The following PCDH11X variants were observed in gnomAD, a reference collection of about 807,000 sequenced individuals.
PCDH11X encodes protocadherin 11 X-linked, also known as protocadherin-11 X-linked.
Under a neutral mutation model 53.3 loss-of-function variants are expected in PCDH11X, and 18 were observed. The ratio of observed to expected loss-of-function variants is 0.34; its 90% CI spans 0.23 to 0.50. PCDH11X has a LOEUF of 0.50. Among genes scored for constraint, PCDH11X ranks in the 20% least tolerant of loss-of-function variants. The probability of loss-of-function intolerance (pLI) is 0.98; values close to 1 mark genes in which losing one functional copy is unlikely to be tolerated. For missense variants in PCDH11X, 570 were observed against 1,032.4 expected (o/e 0.55, Z 6.14); for synonymous variants, 279 against 393.3 (o/e 0.71, Z 3.44).
intron 10 of PCDH11X, among the ~76,000 whole-genome samples, chrX:92,486,858 T>C (rs1469291254): frequency 3.7e-5 from 4 of 108,028 alleles, no homozygotes; most frequent in Non-Finnish European, 7.6e-5. Context: ...AGAAGGATTT[T>C]AGTATATCTT....
chrX:92,264,740 C>T (rs1025386900), intron 8 of PCDH11X, among the ~76,000 whole-genome samples: 1 of 110,724 alleles, frequency 9.0e-6, no homozygotes, highest in African/African-American at 3.3e-5. Flanking sequence ...ACAAGTTAGG[C>T]TCCTGCATAT....
intron 6 of PCDH11X, among the ~76,000 whole-genome samples, chrX:92,064,486 A>AG (rs1334434389): frequency 1.5e-5 from 1 of 65,326 alleles, no homozygotes; most frequent in East Asian, 5.1e-4. Flanking sequence ...CACACAAATT[A>AG]AAAATAAATA....
At chrX:92,099,837 TC>T (rs1569354280) in intron 6 of PCDH11X, among the ~76,000 whole-genome samples, 1 of 111,199 alleles carries the variant, frequency 9.0e-6, no homozygotes, top group Non-Finnish European at 1.9e-5. Flanking sequence ...TTGGTAGTAA[TC>T]AAAACCAATT....
In PCDH11X at chrX:92,302,404, A is replaced by G. The variant is rs1319580947; in HGVS notation, c.3144+39261A>G. 1.2e-4 allele frequency among the ~76,000 whole-genome samples: 13 copies of G among 109,950 alleles called. No individual in the cohort carries two copies. The Admixed American group carries it at 1.3e-3, about 11-fold the overall frequency. ...GATTTTCTTGAACAAGTATATCTTC[A>G]TTTGCTAGATGCTCTAAGATCATTT... On this transcript the variant is annotated intron_variant, in intron 8 of 10. Transcript: ENST00000682573.
intron 6 of PCDH11X, chrX:92,201,161 T>A: frequency 7.2e-6 from 1 of 138,719 alleles, no homozygotes; most frequent in South Asian, 3.1e-4. Context: ...TTTTCTTTTT[T>A]TTCTCTTTTT....
chrX:92,294,268 C>T (rs953014226), intron 8 of PCDH11X, among the ~76,000 whole-genome samples: 5 of 110,031 alleles, frequency 4.5e-5, no homozygotes, highest in Non-Finnish European at 9.4e-5. Flanking sequence ...CAGCTTCCCA[C>T]GTAGCTGGGA....
intron 6 of PCDH11X, among the ~76,000 whole-genome samples, chrX:91,942,546 G>T (rs1456587339): frequency 9.0e-6 from 1 of 110,631 alleles, no homozygotes; most frequent in Non-Finnish European, 1.9e-5. Flanking sequence ...TATCTATTAA[G>T]GAAATGGAAT....
intron 1 of PCDH11X, 31 bp downstream of exon 1, chrX:91,779,715 G>A (rs1051417039): frequency 1.0e-5 from 1 of 99,206 alleles, no homozygotes; most frequent in Non-Finnish European, 2.0e-5. Flanking sequence ...CCTGTACAGG[G>A]TGCTGTCAGG....
At chrX:91,857,656 A>C (rs1938428237) in intron 5 of PCDH11X, among the ~76,000 whole-genome samples, 1 of 111,993 alleles carries the variant, frequency 8.9e-6, no homozygotes, top group African/African-American at 3.2e-5. Context: ...AAAAGTCTGA[A>C]ATCCAATAGG....
At chrX:92,498,556 T>A (rs1316413402) in intron 10 of PCDH11X, among the ~76,000 whole-genome samples, 2 of 110,717 alleles carry the variant, frequency 1.8e-5, no homozygotes, top group African/African-American at 6.5e-5. Context: ...GACAAAAGAA[T>A]GAAACTTTAA....
At chrX:91,839,025 CTT>C (rs1227986339) in intron 5 of PCDH11X, among the ~76,000 whole-genome samples, 1 of 112,614 alleles carries the variant, frequency 8.9e-6, no homozygotes, top group East Asian at 2.8e-4. Flanking sequence ...AGACTTAAAA[CTT>C]AGAATATTTA....
At chrX:92,148,859 C>T (rs2065379459) in intron 6 of PCDH11X, among the ~76,000 whole-genome samples, 1 of 108,128 alleles carries the variant, frequency 9.2e-6, no homozygotes, top group Non-Finnish European at 1.9e-5. Flanking sequence ...AATGCTATAT[C>T]TGGCTTTGTG....
intron 10 of PCDH11X, among the ~76,000 whole-genome samples, chrX:92,567,205 A>C (rs767174155): frequency 9.5e-6 from 1 of 105,714 alleles, no homozygotes; most frequent in South Asian, 4.3e-4. Context: ...TGAATGAATA[A>C]ATTATTTGGG....
chrX:92,389,926 T>G (rs1370591734), intron 9 of PCDH11X, among the ~76,000 whole-genome samples: 6 of 109,487 alleles, frequency 5.5e-5, no homozygotes. Flanking sequence ...ATTAAATATC[T>G]TGTTCATATT....
At chrX:92,190,473 C>G (rs1009063877) in intron 6 of PCDH11X, among the ~76,000 whole-genome samples, 1 of 111,718 alleles carries the variant, frequency 9.0e-6, no homozygotes, top group East Asian at 2.8e-4. Flanking sequence ...TAGCTTAAAA[C>G]TTTTTCTACA....
chrX:92,311,669 A>G (rs1045258499), intron 8 of PCDH11X, among the ~76,000 whole-genome samples: 1 of 110,588 alleles, frequency 9.0e-6, no homozygotes, highest in Non-Finnish European at 1.9e-5. Context: ...TTTTTTTTCC[A>G]CAGTAGCTCA....
intron 9 of PCDH11X, among the ~76,000 whole-genome samples, chrX:92,404,506 T>G (rs2071465084): frequency 9.0e-6 from 1 of 111,423 alleles, no homozygotes; most frequent in African/African-American, 3.3e-5. Context: ...AATTTCACTC[T>G]TATCTCCTCT....
intron 5 of PCDH11X, among the ~76,000 whole-genome samples, chrX:91,875,454 T>C (rs1465459875): frequency 1.9e-5 from 2 of 107,681 alleles, no homozygotes; most frequent in Admixed American, 9.9e-5. Context: ...GGCTAATTTT[T>C]TTTTTTTTGT....
chrX:92,598,454 C>A (rs1007530960), intron 10 of PCDH11X, among the ~76,000 whole-genome samples: 5 of 109,617 alleles, frequency 4.6e-5, no homozygotes, highest in Non-Finnish European at 9.5e-5. Context: ...AAAGTGTGCA[C>A]AATATCATTG....
Sources: gnomAD v4.1 joint callset for allele counts (sites outside exome capture counted in the v4.1 genomes callset) on GRCh38, gnomAD v4.1.1 for gene constraint, MANE v1.5 for transcripts, NCBI Gene and HGNC (gene_info 2026-07-23, HGNC 2026-07-21) for gene names.